RPS6KC1: variants seen among roughly 807,000 people sequenced by gnomAD.
RPS6KC1 encodes inactive ribosomal protein S6 kinase delta-1.
In RPS6KC1, 54 loss-of-function variants were observed where a neutral mutation model predicts 103.8. That is an observed-to-expected ratio of 0.52 (90% CI 0.42 to 0.65). RPS6KC1 has a LOEUF of 0.65. Among genes scored for constraint, RPS6KC1 ranks in the 30% least tolerant of loss-of-function variants. The pLI, the probability that RPS6KC1 is intolerant of heterozygous loss-of-function variation, is 0.00. For synonymous variants in RPS6KC1, 439 were observed against 438.7 expected (o/e 1.00, Z -0.01); for missense variants, 1,151 against 1,253.8 (o/e 0.92, Z 1.24).
At chr1:213,713,515 A>G in the RPS6KC1 span, among the ~76,000 whole-genome samples, 1 of 152,156 alleles carries the variant, frequency 6.6e-6, no homozygotes, top group African/African-American at 2.4e-5. Context: ...ATTCTTGGAT[A>G]CTTGTTTAAT....
chr1:213,118,602 T>C (rs972621666), intron 5 of RPS6KC1, among the ~76,000 whole-genome samples: 8 of 152,134 alleles, frequency 5.3e-5, no homozygotes, highest in Admixed American at 5.2e-4. Flanking sequence ...CGTGATTTGG[T>C]AAGAGCAACG....
the RPS6KC1 span, among the ~76,000 whole-genome samples, chr1:213,308,201 C>A: frequency 6.6e-6 from 1 of 151,492 alleles, no homozygotes; most frequent in South Asian, 2.1e-4. Context: ...GTAATTCCAG[C>A]TACTCGGGAG....
chr1:213,771,987 G>A, the RPS6KC1 span, among the ~76,000 whole-genome samples: 5 of 152,148 alleles, frequency 3.3e-5, no homozygotes, highest in South Asian at 2.1e-4. Context: ...CCAGCTCCAC[G>A]TACGCTAATA....
chr1:213,262,901 T>C, intron 14 of RPS6KC1, 85 bp downstream of exon 14: 2 of 835,870 alleles, frequency 2.4e-6, no homozygotes, highest in Admixed American at 1.8e-5. Flanking sequence ...AAGAGATTAG[T>C]TTGGAGCAAG....
At chr1:213,168,009 G>A in intron 7 of RPS6KC1, 36 bp downstream of exon 7, 1 of 1,394,250 alleles carries the variant, frequency 7.2e-7, no homozygotes, top group Admixed American at 1.8e-5. Flanking sequence ...TTTCTTCAGT[G>A]ATTTTTTGCT....
At chr1:213,279,075 C>T (rs191367882), downstream of RPS6KC1, among the ~76,000 whole-genome samples, 1 of 152,138 alleles carries the variant, frequency 6.6e-6, no homozygotes, top group East Asian at 1.9e-4. Context: ...GACATTTGGA[C>T]TTCATTCTCT....
At chr1:213,593,905 G>A in the RPS6KC1 span, among the ~76,000 whole-genome samples, 1 of 152,060 alleles carries the variant, frequency 6.6e-6, no homozygotes, top group Admixed American at 6.6e-5. Flanking sequence ...CTGCTCTGTT[G>A]CCCAGGCTGG....
chr1:213,511,092 G>A, the RPS6KC1 span, among the ~76,000 whole-genome samples: 1 of 152,060 alleles, frequency 6.6e-6, no homozygotes, highest in Non-Finnish European at 1.5e-5. Context: ...GAATAATTTA[G>A]AAAATGGAGC....
intron 6 of RPS6KC1, among the ~76,000 whole-genome samples, chr1:213,148,392 A>G (rs890784136): frequency 1.3e-5 from 2 of 152,124 alleles, no homozygotes; most frequent in Non-Finnish European, 2.9e-5. Context: ...ATGAAGGGAC[A>G]TTGAATTTTA....
At chr1:213,359,404 G>T in the RPS6KC1 span, among the ~76,000 whole-genome samples, 2 of 151,934 alleles carry the variant, frequency 1.3e-5, no homozygotes, top group African/African-American at 4.8e-5. Context: ...TTTTCCATTT[G>T]CTTGGTAGAT....
chr1:213,224,085 T>G (rs941264045), intron 8 of RPS6KC1, among the ~76,000 whole-genome samples: 4 of 152,236 alleles, frequency 2.6e-5, no homozygotes, highest in Admixed American at 6.5e-5. Flanking sequence ...AGTGCCTTCA[T>G]AGTAGCATAT....
intron 1 of RPS6KC1, among the ~76,000 whole-genome samples, chr1:213,055,939 GCAT>G (rs1009830023): frequency 1.6e-4 from 24 of 152,170 alleles, no homozygotes; most frequent in African/African-American, 5.3e-4. Flanking sequence ...GGGTTTCACT[GCAT>G]CACCCAGGCT....
rs139116752 is a variant in RPS6KC1, at chr1:213,247,024, G to A, written c.2911+4366G>A. Among the ~76,000 whole-genome samples, 540 of 152,234 alleles carry A rather than the reference G, an allele frequency of 3.5e-3. 3 individuals are homozygous for A. Among genetic ancestry groups the A allele is most frequent in the African/African-American group, 0.012 (507 of 41,532 alleles). ...TTCTAGTCTTGAACAAGTTGATATG[G>A]TATCCTATCAGTGTGTGTCCTTCAC... On this transcript the variant is annotated intron_variant, in intron 12 of 14. Transcript: ENST00000366960.
the RPS6KC1 span, among the ~76,000 whole-genome samples, chr1:213,522,536 T>G: frequency 6.6e-6 from 1 of 152,232 alleles, no homozygotes; most frequent in Admixed American, 6.5e-5. Context: ...GCTATGAAAG[T>G]CCTAGATAGC....
chr1:213,082,897 A>G (rs1054105255), intron 3 of RPS6KC1, among the ~76,000 whole-genome samples: 2 of 152,218 alleles, frequency 1.3e-5, no homozygotes, highest in African/African-American at 4.8e-5. Flanking sequence ...ATTCAGTCAG[A>G]CCAAATGCTC....
At chr1:213,343,389 GTGTA>G in the RPS6KC1 span, among the ~76,000 whole-genome samples, 204 of 65,844 alleles carry the variant, frequency 3.1e-3, 9 homozygotes, top group African/African-American at 0.015. Context: ...TCAGTGTTGT[GTGTA>G]TATATATATA....
At chr1:213,392,582 T>C in the RPS6KC1 span, among the ~76,000 whole-genome samples, 1 of 152,226 alleles carries the variant, frequency 6.6e-6, no homozygotes, top group Non-Finnish European at 1.5e-5. Flanking sequence ...TGGATGGGCA[T>C]CAACTCATGA....
the RPS6KC1 span, among the ~76,000 whole-genome samples, chr1:213,803,240 C>CTTTTTT: frequency 1.2e-4 from 12 of 101,378 alleles, no homozygotes; most frequent in East Asian, 6.9e-4. Context: ...AAGGCAGTGG[C>CTTTTTT]TTTTTTTTTT....
At chr1:213,407,039 G>A in the RPS6KC1 span, among the ~76,000 whole-genome samples, 1 of 152,110 alleles carries the variant, frequency 6.6e-6, no homozygotes, top group South Asian at 2.1e-4. Context: ...GCTGGCCCAG[G>A]TGTGGGAGAA....
Sources: allele counts gnomAD v4.1 joint callset (sites outside exome capture counted in the v4.1 genomes callset), GRCh38; gene constraint gnomAD v4.1.1; transcripts MANE v1.5; gene names NCBI Gene and HGNC (gene_info 2026-07-23, HGNC 2026-07-21).